The following NDE1 variants were observed in gnomAD, a reference collection of about 807,000 sequenced individuals.
The protein encoded by NDE1 is nudE neurodevelopment protein 1, also known as nuclear distribution protein nudE homolog 1.
A neutral mutation model predicts 43.4 loss-of-function variants in NDE1; 28 were observed. The ratio of observed to expected loss-of-function variants is 0.65; its 90% CI spans 0.48 to 0.89. The LOEUF (loss-of-function observed/expected upper bound fraction) is 0.89. Ranked by LOEUF, NDE1 falls within the 40% of genes least tolerant of loss-of-function variation. The pLI is 0.00. For synonymous variants in NDE1, 184 were observed against 172.0 expected (o/e 1.07, Z -0.55); for missense variants, 441 against 434.1 (o/e 1.02, Z -0.14).
intron 8 of NDE1, among the ~76,000 whole-genome samples, chr16:15,705,854 G>T (rs938984324): frequency 4.0e-5 from 6 of 151,812 alleles, no homozygotes; most frequent in African/African-American, 1.2e-4. Flanking sequence ...GCTGGCGGGT[G>T]CCTGTAGTCC....
At chr16:15,694,550 G>T in intron 7 of NDE1, 1 of 862,690 alleles carries the variant, frequency 1.2e-6, no homozygotes, top group Non-Finnish European at 1.4e-6. Context: ...GTATCGCTGT[G>T]TTGCCCAGGC....
rs902587444 is a variant in NDE1, at chr16:15,687,505, G to A, written c.517G>A (p.Ala173Thr). The change falls in exon 5 of 9, where the codon GCC (alanine) becomes ACC (threonine). Residue 173 changes from alanine (A) to threonine (T), a missense_variant. Coordinates refer to ENST00000396354, the MANE Select transcript of NDE1 (RefSeq NM_017668.3). ...LESVQRLKDEARDLRQELAVQ... is the reference protein window; with the variant it reads ...LESVQRLKDETRDLRQELAVQ... ...ATCTGTTCAGAGACTGAAGGATGAAGCCAGAGGTCAGGAGGCCTTGGTGTC... is the reference window on the plus strand; with the variant it reads ...ATCTGTTCAGAGACTGAAGGATGAAACCAGAGGTCAGGAGGCCTTGGTGTC... 1 of 1,613,854 alleles carries A rather than the reference G, an allele frequency of 6.2e-7. No homozygotes were observed.
chr16:15,672,788 C>G (rs1051432880), intron 3 of NDE1: 1 of 152,172 alleles, frequency 6.6e-6, no homozygotes, highest in African/African-American at 2.4e-5. Context: ...GACTTAAGAT[C>G]CTGTTTTATT....
chr16:15,665,688 G>T (rs2037265200), intron 2 of NDE1, among the ~76,000 whole-genome samples: 1 of 151,116 alleles, frequency 6.6e-6, no homozygotes, highest in Non-Finnish European at 1.5e-5. Flanking sequence ...CACGTGATCT[G>T]CCCGTCTCAC....
At chr16:15,718,882 C>T (rs1284248205) in intron 8 of NDE1, 1 of 415,074 alleles carries the variant, frequency 2.4e-6, no homozygotes, top group Non-Finnish European at 4.5e-6. Context: ...AATCACAGCA[C>T]TTTGGGAGGC....
Position 15,657,158 on chromosome 16 carries a change from C to T in NDE1, c.-44+6864C>T, listed in dbSNP as rs543225888. Among the ~76,000 whole-genome samples, 10 of 151,682 alleles carry T rather than the reference C, an allele frequency of 6.6e-5. No individual in the cohort carries two copies. The South Asian group carries it at 2.1e-3, about 31-fold the overall frequency. On this transcript the variant is annotated intron_variant, in intron 1 of 8. Transcript: ENST00000396354. Reference sequence around the variant, plus strand: ...TGTCGTCCAGGTTGGAGTGCAATGGCGTGATCTTGGCTCACTGCAACCTCC... The same window carrying T: ...TGTCGTCCAGGTTGGAGTGCAATGGTGTGATCTTGGCTCACTGCAACCTCC...
intron 1 of NDE1, among the ~76,000 whole-genome samples, chr16:15,658,494 C>T (rs544633258): frequency 2.6e-5 from 4 of 152,210 alleles, no homozygotes; most frequent in African/African-American, 7.2e-5. Context: ...TATGCCTCTT[C>T]CCAGGTGTGG....
chr16:15,701,065 A>G (rs1009396290), intron 8 of NDE1, among the ~76,000 whole-genome samples: 2 of 152,082 alleles, frequency 1.3e-5, no homozygotes, highest in Middle Eastern at 3.4e-3. Context: ...GTGAAACCCC[A>G]TCTCTACTAA....
intron 8 of NDE1, among the ~76,000 whole-genome samples, chr16:15,698,354 A>G (rs376943560): frequency 2.3e-4 from 35 of 151,740 alleles, no homozygotes; most frequent in African/African-American, 8.5e-4. Flanking sequence ...CCGTGTTCCC[A>G]GCCACTGCAC....
At chr16:15,664,397 C>G (rs113694690) in intron 1 of NDE1, among the ~76,000 whole-genome samples, 201 of 152,210 alleles carry the variant, frequency 1.3e-3, no homozygotes, top group African/African-American at 4.6e-3. Flanking sequence ...CGGTCTGTCA[C>G]TCAAGCTGGA....
intron 4 of NDE1, among the ~76,000 whole-genome samples, chr16:15,679,791 T>C (rs1250746020): frequency 6.6e-6 from 1 of 152,186 alleles, no homozygotes; most frequent in African/African-American, 2.4e-5. Context: ...TGTTTTTGTT[T>C]TTGTTTTAAG....
At chr16:15,683,400 T>C (rs1213080525) in intron 4 of NDE1, 4 of 152,124 alleles carry the variant, frequency 2.6e-5, no homozygotes, top group Admixed American at 6.6e-5. Context: ...CTGGAGTGCA[T>C]TGGCACAATC....
At position 15,662,577 on chromosome 16, in the gene NDE1, C is replaced by G. The variant is rs149402612; in HGVS notation, c.-43-2159C>G. Among the ~76,000 whole-genome samples, 91 of 152,096 alleles carry G rather than the reference C, an allele frequency of 6.0e-4. 1 individual carries two copies. Among genetic ancestry groups the G allele is most frequent in the Middle Eastern group, 3.4e-3 (1 of 294 alleles). On this transcript the variant is annotated intron_variant, in intron 1 of 8. Coordinates refer to ENST00000396354, the MANE Select transcript of NDE1 (RefSeq NM_017668.3). ...GGATTACAGGCATGAGCCACCGTGCCTGGTCTCTTTTCTTTTTTAAATAGG... is the reference window on the plus strand; with the variant it reads ...GGATTACAGGCATGAGCCACCGTGCGTGGTCTCTTTTCTTTTTTAAATAGG...
chr16:15,697,083 C>G (rs2039051638), intron 8 of NDE1: 1 of 980,910 alleles, frequency 1.0e-6, no homozygotes, highest in Admixed American at 6.2e-5. Context: ...GGGTCTCACT[C>G]TGTCACCTAG....
chr16:15,725,363 G>C lies in NDE1; in HGVS notation c.*1112G>C, dbSNP rs1341882579. The C allele has an allele frequency of 1.8e-6, 1 of 557,232 alleles. No individual in the cohort carries two copies. Among genetic ancestry groups the C allele is most frequent in the Non-Finnish European group, 3.1e-6 (1 of 317,768 alleles). The allele number at this position is 557,232 out of a possible 1,614,324, so 34.5% of individuals were successfully genotyped here. On this transcript the variant is annotated 3_prime_UTR_variant, in exon 9 of 9. Coordinates refer to ENST00000396354, the MANE Select transcript of NDE1 (RefSeq NM_017668.3). ...CTGAGAGTCCAGACGAGGTGCTCTG[G>C]CTGGTCCACTCTCTAAGGCTGGAGA...
intron 8 of NDE1, chr16:15,713,509 T>C (rs1019904166): frequency 1.3e-5 from 2 of 152,136 alleles, no homozygotes; most frequent in Non-Finnish European, 2.9e-5. Flanking sequence ...GGTTTTGGGT[T>C]TTTTGAGACA....
intron 7 of NDE1, chr16:15,695,813 T>A: frequency 1.5e-6 from 1 of 656,190 alleles, no homozygotes; most frequent in Non-Finnish European, 1.9e-6. Flanking sequence ...AGTTGGAGTA[T>A]AGAGAAGCCT....
At chr16:15,721,401 A>G in intron 8 of NDE1, 1 of 1,613,864 alleles carries the variant, frequency 6.2e-7, no homozygotes, top group South Asian at 1.1e-5. Flanking sequence ...TGGACGAGAA[A>G]AACCACCCAG....
chr16:15,710,693 T>G (rs2039735457), intron 8 of NDE1, among the ~76,000 whole-genome samples: 1 of 151,716 alleles, frequency 6.6e-6, no homozygotes, highest in Non-Finnish European at 1.5e-5. Context: ...TTTTTGTTTT[T>G]TTTTTGGAGA....
Sources: allele counts gnomAD v4.1 joint callset (sites outside exome capture counted in the v4.1 genomes callset), GRCh38; gene constraint gnomAD v4.1.1; transcripts MANE v1.5; gene names NCBI Gene and HGNC (gene_info 2026-07-23, HGNC 2026-07-21).